The following KCNIP4 variants were observed in gnomAD, a reference collection of about 807,000 sequenced individuals.
The protein encoded by KCNIP4 is Kv channel-interacting protein 4.
A neutral mutation model predicts 34.0 loss-of-function variants in KCNIP4; 12 were observed. The observed-to-expected ratio is 0.35, with a 90% CI of 0.23 to 0.57. The LOEUF (loss-of-function observed/expected upper bound fraction) is 0.57, where lower values mean the gene tolerates loss of function less well. KCNIP4 is among the 20% of genes least tolerant of loss of function. The probability of loss-of-function intolerance (pLI) is 0.83; values close to 1 mark genes in which losing one functional copy is unlikely to be tolerated. For synonymous variants in KCNIP4, 124 were observed against 102.2 expected (o/e 1.21, Z -1.29); for missense variants, 238 against 311.7 (o/e 0.76, Z 1.78).
intron 1 of KCNIP4, among the ~76,000 whole-genome samples, chr4:21,903,298 T>C (rs1345748300): frequency 6.6e-6 from 1 of 152,202 alleles, no homozygotes; most frequent in Admixed American, 6.6e-5. Context: ...TTCTTTTTTC[T>C]TTGAATAGAC....
chr4:21,422,847 A>G (rs1257804477), intron 1 of KCNIP4, among the ~76,000 whole-genome samples: 1 of 152,130 alleles, frequency 6.6e-6, no homozygotes, highest in Non-Finnish European at 1.5e-5. Flanking sequence ...GGCATGGAGA[A>G]AGCAGGTAAG....
At chr4:21,815,160 A>C (rs1219684977) in intron 1 of KCNIP4, among the ~76,000 whole-genome samples, 1 of 152,188 alleles carries the variant, frequency 6.6e-6, no homozygotes, top group Non-Finnish European at 1.5e-5. Flanking sequence ...TGCCTGGATG[A>C]ATCTCATCTC....
chr4:20,879,367 C>A (rs527906727), intron 2 of KCNIP4, among the ~76,000 whole-genome samples: 3 of 152,280 alleles, frequency 2.0e-5, no homozygotes, highest in South Asian at 4.1e-4. Flanking sequence ...TGGCATAGAT[C>A]TGTCACCTCC....
At chr4:21,076,673 G>A (rs1745514462) in intron 1 of KCNIP4, among the ~76,000 whole-genome samples, 1 of 152,076 alleles carries the variant, frequency 6.6e-6, no homozygotes, top group African/African-American at 2.4e-5. Context: ...TATCTGAAAT[G>A]ATGAAATCAT....
chr4:21,267,732 G>A (rs914106204), intron 1 of KCNIP4, among the ~76,000 whole-genome samples: 5 of 145,362 alleles, frequency 3.4e-5, no homozygotes, highest in Non-Finnish European at 7.6e-5. Flanking sequence ...TTTTTGATGT[G>A]CTGCTGGATT....
chr4:20,984,077 C>T (rs1736348035), intron 1 of KCNIP4: 2 of 1,284,194 alleles, frequency 1.6e-6, no homozygotes, highest in South Asian at 3.1e-5. Context: ...AGCCGGCGGC[C>T]CCCCGGGGTG....
chr4:20,862,147 C>A (rs918761762), intron 2 of KCNIP4, among the ~76,000 whole-genome samples: 1 of 151,972 alleles, frequency 6.6e-6, no homozygotes, highest in South Asian at 2.1e-4. Flanking sequence ...TGTGCCACCA[C>A]ACCTGGCTAA....
chr4:21,723,133 A>AT (rs1714942978), intron 1 of KCNIP4, among the ~76,000 whole-genome samples: 1 of 152,080 alleles, frequency 6.6e-6, no homozygotes, highest in South Asian at 2.1e-4. Context: ...AATCCTATTC[A>AT]TTTTCTCCAA....
intron 1 of KCNIP4, among the ~76,000 whole-genome samples, chr4:21,291,927 GAAAGAAAGAA>G (rs1763538604): frequency 4.5e-5 from 3 of 66,654 alleles, no homozygotes; most frequent in Admixed American, 4.4e-4. Context: ...AAGAAAGAAA[GAAAGAAAGAA>G]AAAAAAAGAA....
At chr4:21,758,208 G>A (rs773356803) in intron 1 of KCNIP4, among the ~76,000 whole-genome samples, 22 of 152,168 alleles carry the variant, frequency 1.4e-4, no homozygotes, top group Non-Finnish European at 2.9e-4. Context: ...TCTAGGTACT[G>A]GGGATACAGA....
At chr4:21,467,583 T>C (rs575079499) in intron 1 of KCNIP4, among the ~76,000 whole-genome samples, 1 of 152,290 alleles carries the variant, frequency 6.6e-6, no homozygotes, top group South Asian at 2.1e-4. Context: ...AAGGTGGATA[T>C]CTTCATAAAA....
At chr4:21,760,265 C>T (rs752591611) in intron 1 of KCNIP4, among the ~76,000 whole-genome samples, 16 of 152,048 alleles carry the variant, frequency 1.1e-4, no homozygotes, top group Non-Finnish European at 1.9e-4. Flanking sequence ...CCATGAATGA[C>T]TGCAAATCTT....
chr4:21,691,775 T>C (rs900657446), intron 1 of KCNIP4, among the ~76,000 whole-genome samples: 8 of 138,474 alleles, frequency 5.8e-5, no homozygotes, highest in Non-Finnish European at 1.1e-4. Flanking sequence ...TCTTGGCCAC[T>C]GCAACCTCCG....
intron 1 of KCNIP4, among the ~76,000 whole-genome samples, chr4:21,907,549 T>C (rs988819960): frequency 4.6e-5 from 7 of 152,164 alleles, no homozygotes; most frequent in African/African-American, 7.2e-5. Flanking sequence ...TTATGCACAA[T>C]TGTAAAAATA....
intron 5 of KCNIP4, among the ~76,000 whole-genome samples, chr4:20,746,621 A>C (rs1038813722): frequency 3.3e-5 from 5 of 152,156 alleles, no homozygotes; most frequent in African/African-American, 9.7e-5. Context: ...CTTTACTGAC[A>C]TTATGACTTT....
intron 1 of KCNIP4, among the ~76,000 whole-genome samples, chr4:20,961,016 A>C (rs983247971): frequency 1.3e-5 from 2 of 152,168 alleles, no homozygotes; most frequent in Non-Finnish European, 2.9e-5. Context: ...GGATGCTCTT[A>C]AATATTTGCT....
chr4:20,732,130 C>A, intron 7 of KCNIP4, 62 bp from the exon 8 acceptor site: 2 of 1,119,012 alleles, frequency 1.8e-6, no homozygotes, highest in East Asian at 2.4e-5. Flanking sequence ...CACACCTGGA[C>A]CAAATGAGCT....
intron 1 of KCNIP4, among the ~76,000 whole-genome samples, chr4:21,311,919 A>C (rs1194525765): frequency 6.6e-6 from 1 of 152,128 alleles, no homozygotes; most frequent in African/African-American, 2.4e-5. Flanking sequence ...TGACTGCTTC[A>C]TAAGTCTCAT....
intron 1 of KCNIP4, among the ~76,000 whole-genome samples, chr4:21,470,784 C>T (rs1730395722): frequency 3.3e-5 from 5 of 151,792 alleles, no homozygotes; most frequent in Admixed American, 3.3e-4. Flanking sequence ...GAATTCTTGG[C>T]CAAACGCCCA....
Sources: gnomAD v4.1 joint callset for allele counts (sites outside exome capture counted in the v4.1 genomes callset) on GRCh38, gnomAD v4.1.1 for gene constraint, MANE v1.5 for transcripts, NCBI Gene and HGNC (gene_info 2026-07-23, HGNC 2026-07-21) for gene names.